Variants in CSMD1 observed in about 807,000 individuals in gnomAD.
The protein encoded by CSMD1 is CUB and Sushi multiple domains 1.
CSMD1 carries 213 observed loss-of-function variants against 417.5 expected under a neutral mutation model. The observed-to-expected ratio is 0.51, with a 90% CI of 0.46 to 0.57. The LOEUF (loss-of-function observed/expected upper bound fraction) is 0.57. CSMD1 is among the 20% of genes least tolerant of loss of function. CSMD1 has a pLI of 0.00. For synonymous variants in CSMD1, 2,862 were observed against 1,736.8 expected (o/e 1.65, Z -16.11); for missense variants, 6,923 against 4,529.7 (o/e 1.53, Z -15.17).
chr8:3,948,983 G>A (rs1811425906), intron 5 of CSMD1, among the ~76,000 whole-genome samples: 1 of 152,046 alleles, frequency 6.6e-6, no homozygotes, highest in South Asian at 2.1e-4. Context: ...AGGGTAAGAA[G>A]TTGTGTATAT....
In CSMD1 at chr8:4,216,980, C is replaced by A. The variant is rs1054721011; in HGVS notation, c.416-184881G>T. Among the ~76,000 whole-genome samples, 9 of 152,122 alleles carry A rather than the reference C, an allele frequency of 5.9e-5. 1 individual carries two copies. The East Asian group carries it at 1.5e-3, about 26-fold the overall frequency. ...ATGGCTGTCCTAGGATAGGTCCCCACGGTTAAGACTTCTCTAACTAGAATT... is the reference window on the plus strand; with the variant it reads ...ATGGCTGTCCTAGGATAGGTCCCCAAGGTTAAGACTTCTCTAACTAGAATT... On this transcript the variant is annotated intron_variant, in intron 3 of 69. Transcript: ENST00000635120.
At chr8:3,706,587 G>C (rs573914420) in intron 7 of CSMD1, among the ~76,000 whole-genome samples, 68 of 152,262 alleles carry the variant, frequency 4.5e-4, no homozygotes, top group African/African-American at 1.6e-3. Context: ...GGACAGAAGA[G>C]ATATTCTCCT....
chr8:3,926,262 A>T (rs1187594077), intron 5 of CSMD1, among the ~76,000 whole-genome samples: 1 of 152,144 alleles, frequency 6.6e-6, no homozygotes, highest in African/African-American at 2.4e-5. Context: ...ATCACAATCC[A>T]TGTCCTCTCT....
intron 49 of CSMD1, among the ~76,000 whole-genome samples, chr8:3,075,191 C>T (rs1022807701): frequency 1.3e-5 from 2 of 152,128 alleles, no homozygotes; most frequent in African/African-American, 4.8e-5. Flanking sequence ...ACTTCCTGTC[C>T]AGCCGGAGAA....
intron 3 of CSMD1, among the ~76,000 whole-genome samples, chr8:4,220,621 T>C (rs1409337348): frequency 6.6e-6 from 1 of 152,072 alleles, no homozygotes; most frequent in African/African-American, 2.4e-5. Flanking sequence ...GAAGGACCAG[T>C]GGTATATTTT....
intron 5 of CSMD1, among the ~76,000 whole-genome samples, chr8:3,755,004 T>C (rs149665816): frequency 2.0e-5 from 3 of 152,376 alleles, no homozygotes; most frequent in African/African-American, 7.2e-5. Context: ...AATTTCTGGT[T>C]AAGCTGTTTA....
At chr8:3,668,094 G>C (rs55925107) in intron 7 of CSMD1, among the ~76,000 whole-genome samples, 1 of 152,008 alleles carries the variant, frequency 6.6e-6, no homozygotes, top group African/African-American at 2.4e-5. Flanking sequence ...TCTACCCCTG[G>C]GCTAGAAGGC....
At position 3,018,895 on chromosome 8, in the gene CSMD1, T is replaced by C. The variant is rs571164798; in HGVS notation, c.7856-245A>G. Among the ~76,000 whole-genome samples the C allele has an allele frequency of 1.4e-3, 209 of 152,278 alleles. 2 individuals carry two copies. The highest frequency in any genetic ancestry group is 4.6e-3 in the African/African-American group (191 of 41,542). On this transcript the variant is annotated intron_variant, in intron 51 of 69. Transcript: ENST00000635120. ...GCTTAACGTGGATTCCAAAACATTC[T>C]AGATTCCTCCAATTACCCATTAACT...
chr8:3,548,874 C>T (rs1214034185), intron 10 of CSMD1, among the ~76,000 whole-genome samples: 2 of 152,078 alleles, frequency 1.3e-5, no homozygotes, highest in East Asian at 3.9e-4. Context: ...GGGTCCCGCT[C>T]CCTACCCCGA....
At chr8:3,821,535 C>T (rs536052228) in intron 5 of CSMD1, among the ~76,000 whole-genome samples, 9 of 152,248 alleles carry the variant, frequency 5.9e-5, no homozygotes, top group Middle Eastern at 6.8e-3. Context: ...GTAATCCCAG[C>T]ACTTTGAAAG....
At chr8:4,929,040 C>T (rs1807063607) in intron 1 of CSMD1, among the ~76,000 whole-genome samples, 2 of 152,104 alleles carry the variant, frequency 1.3e-5, no homozygotes, top group Admixed American at 1.3e-4. Context: ...CACTGCATTC[C>T]AGCCTGGGGT....
At chr8:3,873,634 T>G (rs78238892) in intron 5 of CSMD1, among the ~76,000 whole-genome samples, 10 of 152,134 alleles carry the variant, frequency 6.6e-5, no homozygotes, top group African/African-American at 2.2e-4. Flanking sequence ...GTGAAATAAT[T>G]TGCATATCAA....
At chr8:4,037,594 G>T (rs1333116219) in intron 3 of CSMD1, among the ~76,000 whole-genome samples, 4 of 129,412 alleles carry the variant, frequency 3.1e-5, no homozygotes, top group Non-Finnish European at 6.4e-5. Context: ...GGATTGCAAT[G>T]GAAAGGAGAA....
chr8:3,647,328 G>T (rs1207641067), intron 7 of CSMD1, among the ~76,000 whole-genome samples: 3 of 152,214 alleles, frequency 2.0e-5, no homozygotes, highest in Non-Finnish European at 4.4e-5. Flanking sequence ...TTGGCCAGGA[G>T]AGAGGTAAAT....
intron 3 of CSMD1, among the ~76,000 whole-genome samples, chr8:4,246,051 G>C (rs563468055): frequency 3.5e-4 from 53 of 152,150 alleles, no homozygotes; most frequent in Non-Finnish European, 6.9e-4. Context: ...TTTAAGTTTA[G>C]TGGTAGAAGT....
At chr8:4,762,620 G>A (rs986649205) in intron 1 of CSMD1, among the ~76,000 whole-genome samples, 11 of 152,002 alleles carry the variant, frequency 7.2e-5, no homozygotes, top group Non-Finnish European at 1.2e-4. Context: ...GATGGGCCCC[G>A]CATTTGCATA....
chr8:4,503,930 T>G (rs1293566162), intron 2 of CSMD1, among the ~76,000 whole-genome samples: 1 of 143,098 alleles, frequency 7.0e-6, no homozygotes, highest in Non-Finnish European at 1.5e-5. Context: ...AGGTCTGTAA[T>G]GGAATCATCA....
intron 2 of CSMD1, among the ~76,000 whole-genome samples, chr8:4,629,931 A>G (rs1460525940): frequency 6.6e-6 from 1 of 152,160 alleles, no homozygotes; most frequent in East Asian, 1.9e-4. Context: ...ATATCCCAGG[A>G]AGCTCCTTCT....
intron 5 of CSMD1, among the ~76,000 whole-genome samples, chr8:3,923,552 C>A (rs1220736142): frequency 6.6e-6 from 1 of 152,146 alleles, no homozygotes; most frequent in Non-Finnish European, 1.5e-5. Context: ...GAACAGGATA[C>A]ACTGTGAAAT....
Sources: allele counts gnomAD v4.1 joint callset (sites outside exome capture counted in the v4.1 genomes callset), GRCh38; gene constraint gnomAD v4.1.1; transcripts MANE v1.5; gene names NCBI Gene and HGNC (gene_info 2026-07-23, HGNC 2026-07-21).